LPP: variants seen among roughly 807,000 people sequenced by gnomAD.
The protein encoded by LPP is lipoma-preferred partner.
In LPP, 38 loss-of-function variants were observed where a neutral mutation model predicts 60.4. That is an observed-to-expected ratio of 0.63 (90% confidence interval 0.49 to 0.83). LPP has a LOEUF of 0.83. Ranked by LOEUF, LPP falls within the 40% of genes least tolerant of loss-of-function variation. The probability of loss-of-function intolerance (pLI) is 0.00; values close to 1 mark genes in which losing one functional copy is unlikely to be tolerated. For synonymous variants in LPP, 328 were observed against 290.8 expected (o/e 1.13, Z -1.30); for missense variants, 902 against 783.6 (o/e 1.15, Z -1.80).
chr3:188,807,606 T>C (rs190240242), intron 9 of LPP, among the ~76,000 whole-genome samples: 31 of 152,254 alleles, frequency 2.0e-4, no homozygotes, highest in Non-Finnish European at 2.9e-4. Flanking sequence ...GTTTACTAAT[T>C]CTTTCCCCAG....
At chr3:188,711,187 C>T (rs986382681) in intron 8 of LPP, 1 of 152,194 alleles carries the variant, frequency 6.6e-6, no homozygotes, top group African/African-American at 2.4e-5. Context: ...GGTAAGTAAT[C>T]ATTGCCAAAT....
rs890454147 is a variant in LPP at position 188,708,820 on chromosome 3, C to T, written c.1240+427C>T. The T allele has an allele frequency of 1.4e-5, 3 of 214,350 alleles. No individual in the cohort carries two copies. In the Admixed American group the frequency reaches 1.6e-4, roughly 12 times the overall value. The allele number at this position is 214,350 out of a possible 1,614,324, so 13.3% of individuals were successfully genotyped here. ...CTGCAGTGAGCTGTGGCTCAGTGAG[C>T]TGTGGTTGTGCCACTGCACTCCAGC... On this transcript the variant is annotated intron_variant, in intron 8 of 11. Coordinates refer to ENST00000617246, the MANE Select transcript of LPP (RefSeq NM_001375462.1).
At chr3:188,686,697 G>C (rs1445833096) in intron 7 of LPP, among the ~76,000 whole-genome samples, 1 of 152,136 alleles carries the variant, frequency 6.6e-6, no homozygotes, top group Non-Finnish European at 1.5e-5. Context: ...CCAAGACTAA[G>C]AATCTATGAT....
At chr3:188,748,016 C>A (rs1194575895) in intron 8 of LPP, among the ~76,000 whole-genome samples, 1 of 152,134 alleles carries the variant, frequency 6.6e-6, no homozygotes, top group Non-Finnish European at 1.5e-5. Context: ...TCAGTGTACT[C>A]AAATCAGTCT....
chr3:188,742,491 CA>C (rs1301750976), intron 8 of LPP, among the ~76,000 whole-genome samples: 1 of 151,976 alleles, frequency 6.6e-6, no homozygotes, highest in African/African-American at 2.4e-5. Flanking sequence ...TGCACAAATA[CA>C]TGAAAAAAAT....
At chr3:188,634,324 A>C (rs886412014) in intron 7 of LPP, among the ~76,000 whole-genome samples, 1 of 152,208 alleles carries the variant, frequency 6.6e-6, no homozygotes, top group Non-Finnish European at 1.5e-5. Flanking sequence ...GCCCTGTGAT[A>C]GGAATGGAGG....
chr3:188,673,707 T>C (rs1857406273), intron 7 of LPP, among the ~76,000 whole-genome samples: 2 of 152,096 alleles, frequency 1.3e-5, no homozygotes, highest in African/African-American at 2.4e-5. Context: ...GACAAGTTTC[T>C]CCTTCCCCAT....
At chr3:188,490,840 T>C (rs1490275742) in intron 5 of LPP, among the ~76,000 whole-genome samples, 2 of 146,632 alleles carry the variant, frequency 1.4e-5, no homozygotes, top group African/African-American at 2.5e-5. Flanking sequence ...CTGCAAGCTC[T>C]ACCTCCTGGG....
intron 4 of LPP, among the ~76,000 whole-genome samples, chr3:188,441,706 T>C (rs1162901715): frequency 5.8e-4 from 81 of 139,712 alleles, no homozygotes; most frequent in African/African-American, 2.0e-3. Flanking sequence ...CTGCAAGCTC[T>C]GCCTCCCAGG....
At chr3:188,672,673 T>G (rs1432258029) in intron 7 of LPP, among the ~76,000 whole-genome samples, 1 of 152,212 alleles carries the variant, frequency 6.6e-6, no homozygotes, top group Non-Finnish European at 1.5e-5. Context: ...GTCTGTGCCC[T>G]TCCTCTTCCT....
chr3:188,400,010 C>G (rs1291610024), intron 3 of LPP, among the ~76,000 whole-genome samples: 1 of 152,132 alleles, frequency 6.6e-6, no homozygotes, highest in Non-Finnish European at 1.5e-5. Flanking sequence ...TGGGGCGGGT[C>G]CTGGTCATCA....
chr3:188,263,484 C>G (rs986652835), intron 2 of LPP, among the ~76,000 whole-genome samples: 1 of 152,180 alleles, frequency 6.6e-6, no homozygotes, highest in Non-Finnish European at 1.5e-5. Flanking sequence ...GATCTGTCCT[C>G]CCAGACATTG....
chr3:188,537,990 G>A (rs1029021358), intron 6 of LPP, among the ~76,000 whole-genome samples: 10 of 152,060 alleles, frequency 6.6e-5, no homozygotes, highest in Middle Eastern at 3.4e-3. Context: ...GTTCAAACAG[G>A]GAAAAAATAG....
intron 4 of LPP, among the ~76,000 whole-genome samples, chr3:188,424,059 G>T (rs1229697351): frequency 6.6e-6 from 1 of 152,026 alleles, no homozygotes; most frequent in African/African-American, 2.4e-5. Context: ...GTATTGCCTA[G>T]GTTTTCTTCT....
At chr3:188,397,155 G>C (rs1325737365) in intron 3 of LPP, among the ~76,000 whole-genome samples, 1 of 152,148 alleles carries the variant, frequency 6.6e-6, no homozygotes, top group Non-Finnish European at 1.5e-5. Context: ...TCTAGCAATA[G>C]AGTTATAAGC....
At chr3:188,638,266 C>T (rs1031662861) in intron 7 of LPP, among the ~76,000 whole-genome samples, 148 of 133,346 alleles carry the variant, frequency 1.1e-3, no homozygotes, top group South Asian at 3.1e-3. Flanking sequence ...ACAAAAACCA[C>T]ATGATTATCT....
At chr3:188,262,984 G>A (rs76196612) in intron 2 of LPP, among the ~76,000 whole-genome samples, 3,781 of 148,166 alleles carry the variant, frequency 0.026, 62 homozygotes, top group Non-Finnish European at 0.036. Flanking sequence ...AAAGAGTGCA[G>A]TTTTTTTTTT....
At chr3:188,400,951 A>T (rs983735407) in intron 3 of LPP, among the ~76,000 whole-genome samples, 5 of 152,304 alleles carry the variant, frequency 3.3e-5, no homozygotes, top group Non-Finnish European at 7.3e-5. Context: ...GTGAAGTTTC[A>T]TCAAACCCAT....
intron 1 of LPP, among the ~76,000 whole-genome samples, chr3:188,158,333 C>A (rs79494426): frequency 6.6e-6 from 1 of 152,046 alleles, no homozygotes; most frequent in Non-Finnish European, 1.5e-5. Flanking sequence ...AAGCTAGTAT[C>A]TGGGTGAAAA....
Sources: allele counts gnomAD v4.1 joint callset (sites outside exome capture counted in the v4.1 genomes callset), GRCh38; gene constraint gnomAD v4.1.1; transcripts MANE v1.5; gene names NCBI Gene and HGNC (gene_info 2026-07-23, HGNC 2026-07-21).